Variants in AACS observed in about 807,000 individuals in gnomAD.
AACS encodes acetoacetate-CoA ligase.
A neutral mutation model predicts 83.1 loss-of-function variants in AACS; 69 were observed. The observed-to-expected ratio is 0.83, with a 90% confidence interval of 0.68 to 1.01. AACS has a LOEUF of 1.01. AACS is among the 50% of genes least tolerant of loss of function. The pLI, the probability that AACS is intolerant of heterozygous loss-of-function variation, is 0.00. For missense variants in AACS, 866 were observed against 882.2 expected, an observed-to-expected ratio of 0.98 and a Z score of 0.23; for synonymous variants, 333 against 343.4, an observed-to-expected ratio of 0.97 and a Z score of 0.33.
intron 3 of AACS, among the ~76,000 whole-genome samples, chr12:125,077,621 C>G (rs4765214): frequency 0.39 from 58,633 of 151,998 alleles, 12,494 homozygotes; most frequent in Non-Finnish European, 0.48. Flanking sequence ...TGTTCTGCCT[C>G]CAGAATATTA....
intron 10 of AACS, among the ~76,000 whole-genome samples, chr12:125,119,449 T>C (rs998019404): frequency 3.3e-5 from 5 of 152,180 alleles, no homozygotes; most frequent in Admixed American, 3.3e-4. Flanking sequence ...TAACAGTGGG[T>C]AATTTATAAA....
chr12:125,096,340 C>A (rs1956607367), intron 5 of AACS, among the ~76,000 whole-genome samples: 1 of 152,204 alleles, frequency 6.6e-6, no homozygotes, highest in Non-Finnish European at 1.5e-5. Context: ...AGTAAATGCT[C>A]AATATGTTTT....
chr12:125,082,808 G>A (rs1380966527), intron 3 of AACS, among the ~76,000 whole-genome samples: 5 of 152,108 alleles, frequency 3.3e-5, no homozygotes, highest in African/African-American at 4.8e-5. Flanking sequence ...GTGACAGAGC[G>A]AGACTCTGTC....
intron 3 of AACS, among the ~76,000 whole-genome samples, chr12:125,080,792 C>T (rs1267153164): frequency 1.3e-5 from 2 of 150,026 alleles, no homozygotes; most frequent in Admixed American, 6.6e-5. Flanking sequence ...CCCGGGTTCA[C>T]GCCATTCTCC....
intron 3 of AACS, among the ~76,000 whole-genome samples, chr12:125,078,867 G>A (rs1956095570): frequency 6.9e-6 from 1 of 145,070 alleles, no homozygotes; most frequent in Non-Finnish European, 1.5e-5. Flanking sequence ...AAGGAGACAA[G>A]CTGCCTGCCC....
chr12:125,113,817 A>G lies in AACS; in HGVS notation c.916-660A>G, dbSNP rs1956997809. ...GGACAGGGAGAGAGGACGGCTTTTC[A>G]TAGTATCTGCTTCAGAGTTCTGGAC... On this transcript the variant is annotated intron_variant, in intron 8 of 17. Coordinates refer to ENST00000316519, the MANE Select transcript of AACS (RefSeq NM_023928.5). This position sits in a 1 kb window ranked among gnomAD's most constrained non-coding sequence, Gnocchi z 4.8. 1.3e-5 allele frequency among the ~76,000 whole-genome samples: 2 copies of G among 152,210 alleles called. No individual in the cohort carries two copies. The highest frequency in any genetic ancestry group is 2.4e-5 in the African/African-American group (1 of 41,456).
intron 10 of AACS, chr12:125,123,757 A>T (rs1283960900): frequency 6.6e-6 from 1 of 152,236 alleles, no homozygotes; most frequent in African/African-American, 2.4e-5. Context: ...AGCCTCCTCT[A>T]GGCCCCGAAG....
Position 125,143,192 on chromosome 12 carries a change from A to T in AACS, c.*963A>T, listed in dbSNP as rs940913328. The T allele has an allele frequency of 6.6e-6, 1 of 152,214 alleles. No individual in the cohort carries two copies. Among genetic ancestry groups the T allele is most frequent in the Non-Finnish European group, 1.5e-5 (1 of 68,026 alleles). The allele number at this position is 152,214 out of a possible 1,614,324, so 9.4% of individuals were successfully genotyped here. The stretch of plus-strand genomic sequence containing the variant: ...TATCTCTAATCTGATGTCCATTTTT[A>T]TATTTTTTGAAACTGAGCACAATGA... On this transcript the variant is annotated 3_prime_UTR_variant, in exon 18 of 18. Transcript: ENST00000316519.
chr12:125,065,714 C>T lies in AACS; in HGVS notation c.130C>T (p.Leu44=). Residue 44 remains leucine (L), a synonymous_variant, in exon 1 of 18, where the codon CTG becomes TTG. Coordinates refer to ENST00000316519, the MANE Select transcript of AACS (RefSeq NM_023928.5). ...TGTGGGCGCCGCCTGCGGCCTGGCG[C>T]TGGGTGAGAGTCGGGCGCGCGGCCG... ...AAVGAACGLA[L]ESYDDLYHWS... is the part of the protein sequence containing the mutation. 6.5e-7 allele frequency: 1 copy of T among 1,535,414 alleles called. No individual in the cohort carries two copies. Among genetic ancestry groups the T allele is most frequent in the Non-Finnish European group, 8.8e-7 (1 of 1,140,590 alleles).
intron 4 of AACS, among the ~76,000 whole-genome samples, chr12:125,090,853 A>G (rs772126035): frequency 4.8e-4 from 73 of 152,264 alleles, no homozygotes; most frequent in Non-Finnish European, 9.7e-4. Flanking sequence ...TGAGAACCAG[A>G]TACTAGACGG....
chr12:125,075,570 G>T (rs919825838), intron 2 of AACS, among the ~76,000 whole-genome samples: 24 of 151,300 alleles, frequency 1.6e-4, no homozygotes, highest in African/African-American at 5.6e-4. Flanking sequence ...GGGATTACAG[G>T]CGTGAGCCAC....
chr12:125,093,735 C>T lies in AACS; in HGVS notation c.570+2212C>T, dbSNP rs1956541453. Among the ~76,000 whole-genome samples the T allele has an allele frequency of 2.0e-5, 3 of 152,230 alleles. 1 individual carries two copies. The South Asian group carries it at 6.2e-4, about 31-fold the overall frequency. ...TCAGGTCAGAAAACAGGGCCACCTG[C>T]CCTCCTGCTGAGATGCTTCTCTCTG... On this transcript the variant is annotated intron_variant, in intron 5 of 17. Transcript: ENST00000316519.
At chr12:125,070,100 G>A (rs1041899297) in intron 1 of AACS, among the ~76,000 whole-genome samples, 2 of 152,188 alleles carry the variant, frequency 1.3e-5, no homozygotes, top group East Asian at 3.9e-4. Flanking sequence ...CTTTCTTTTG[G>A]ATTAAGTAAA....
At chr12:125,077,890 G>C (rs989312832) in intron 3 of AACS, among the ~76,000 whole-genome samples, 3 of 152,000 alleles carry the variant, frequency 2.0e-5, no homozygotes, top group Non-Finnish European at 2.9e-5. Flanking sequence ...TGTAGTTTTA[G>C]TAGAGATGGG....
chr12:125,101,680 G>A (rs1956711132), intron 5 of AACS: 1 of 150,430 alleles, frequency 6.6e-6, no homozygotes, highest in South Asian at 2.1e-4. Flanking sequence ...GTATATGTCT[G>A]TAAATACTTC....
Position 125,108,863 on chromosome 12 carries a change from CTT to C in AACS, c.915+1611_915+1612del, listed in dbSNP as rs60511961. Reference sequence around the variant, plus strand: ...TTTTGTTTGTTTTGTATTTTTGTGGCTTTTTTTTTTTTTTTTTAAGACCGGGT... The same window carrying C: ...TTTTGTTTGTTTTGTATTTTTGTGGCTTTTTTTTTTTTTTTAAGACCGGGT... On this transcript the variant is annotated intron_variant, in intron 8 of 17. Coordinates refer to ENST00000316519, the MANE Select transcript of AACS (RefSeq NM_023928.5). Among the ~76,000 whole-genome samples the C allele has an allele frequency of 3.5e-3, 441 of 126,380 alleles. 2 individuals carry two copies. Among genetic ancestry groups the C allele is most frequent in the African/African-American group, 6.8e-3 (228 of 33,658 alleles). The allele number at this position is 126,380 out of a possible 152,430, so 82.9% of individuals were successfully genotyped here.
chr12:125,119,790 C>T (rs1311888276), intron 10 of AACS: 1 of 152,014 alleles, frequency 6.6e-6, no homozygotes, highest in Non-Finnish European at 1.5e-5. Flanking sequence ...AGGCTGAACG[C>T]ACAGGGGAGG....
intron 14 of AACS, among the ~76,000 whole-genome samples, chr12:125,132,037 G>A (rs59693550): frequency 0.038 from 5,819 of 152,204 alleles, 166 homozygotes; most frequent in East Asian, 0.096. Context: ...TTCCACTTTC[G>A]CCTCAGCTCC....
chr12:125,086,205 C>T (rs2136066273), intron 3 of AACS, 125 bp from the exon 4 acceptor site: 1 of 760,508 alleles, frequency 1.3e-6, no homozygotes, highest in East Asian at 2.5e-5. Context: ...TTCCCTGCGT[C>T]TGTTTTCCCT....
Sources: allele counts gnomAD v4.1 joint callset (sites outside exome capture counted in the v4.1 genomes callset), GRCh38; gene constraint gnomAD v4.1.1; non-coding constraint Gnocchi (gnomAD v3.1); transcripts MANE v1.5; gene names NCBI Gene and HGNC (gene_info 2026-07-23, HGNC 2026-07-21).